The following GLIS3 variants were observed in gnomAD, a reference collection of about 807,000 sequenced individuals.
The protein encoded by GLIS3 is GLIS family zinc finger 3, also known as zinc finger protein GLIS3.
A neutral mutation model predicts 78.6 loss-of-function variants in GLIS3; 53 were observed. That is an observed-to-expected ratio of 0.67 (90% CI 0.54 to 0.85). The LOEUF is 0.85. GLIS3 is among the 40% of genes least tolerant of loss of function. The pLI is 0.00. For synonymous variants in GLIS3, 684 were observed against 509.9 expected (o/e 1.34, Z -4.60); for missense variants, 1,703 against 1,231.1 (o/e 1.38, Z -5.74).
chr9:4,375,611 T>TAAAAGTTAGTAG, the GLIS3 span, among the ~76,000 whole-genome samples: 1 of 152,294 alleles, frequency 6.6e-6, no homozygotes, highest in South Asian at 2.1e-4. Context: ...ATGTAAAAAG[T>TAAAAGTTAGTAG]AACAACTAAG....
At chr9:3,989,033 T>C (rs1394148443) in intron 4 of GLIS3, among the ~76,000 whole-genome samples, 2 of 152,120 alleles carry the variant, frequency 1.3e-5, no homozygotes, top group African/African-American at 2.4e-5. Flanking sequence ...AAATAAAGTA[T>C]ATTATAAAAA....
At chr9:4,474,330 A>G in the GLIS3 span, among the ~76,000 whole-genome samples, 1 of 152,184 alleles carries the variant, frequency 6.6e-6, no homozygotes, top group Admixed American at 6.6e-5. Flanking sequence ...ATATGGTGAA[A>G]CCCCATCTCT....
At chr9:4,166,142 C>A (rs1835874240) in intron 2 of GLIS3, among the ~76,000 whole-genome samples, 1 of 152,218 alleles carries the variant, frequency 6.6e-6, no homozygotes, top group African/African-American at 2.4e-5. Flanking sequence ...AATGGCACAT[C>A]ACATAATTGT....
chr9:4,203,197 A>C (rs893267665), intron 2 of GLIS3, among the ~76,000 whole-genome samples: 1 of 152,218 alleles, frequency 6.6e-6, no homozygotes, highest in African/African-American at 2.4e-5. Flanking sequence ...AAGAAGACAT[A>C]CAAGTGGCCA....
chr9:4,395,960 G>C, the GLIS3 span, among the ~76,000 whole-genome samples: 2 of 151,290 alleles, frequency 1.3e-5, no homozygotes, highest in Non-Finnish European at 2.9e-5. Flanking sequence ...TTTTAGTAGA[G>C]ACAGGGTTTC....
At chr9:4,123,016 T>C (rs910611119) in intron 3 of GLIS3, among the ~76,000 whole-genome samples, 6 of 152,182 alleles carry the variant, frequency 3.9e-5, no homozygotes, top group Non-Finnish European at 8.8e-5. Flanking sequence ...AGGATTCTTA[T>C]TATTGGATTA....
At chr9:4,116,763 C>T (rs912214633) in intron 4 of GLIS3, among the ~76,000 whole-genome samples, 2 of 152,112 alleles carry the variant, frequency 1.3e-5, no homozygotes, top group African/African-American at 2.4e-5. Context: ...ATATTTAGTA[C>T]CAGCACCATA....
chr9:4,191,309 A>G lies in GLIS3; in HGVS notation c.389-65368T>C, dbSNP rs117646313. On this transcript the variant is annotated intron_variant, in intron 2 of 10. Coordinates refer to ENST00000381971, the MANE Select transcript of GLIS3 (RefSeq NM_001042413.2). ...GTTTTCTTCTTTCTTAGTGATACAC[A>G]AAATAACGGTGTATTTTCAACTGAG... 3.4e-3 allele frequency among the ~76,000 whole-genome samples: 515 copies of G among 152,356 alleles called. 10 individuals are homozygous for G. The highest frequency in any genetic ancestry group is 0.031 in the East Asian group (162 of 5,192).
intron 4 of GLIS3, among the ~76,000 whole-genome samples, chr9:4,033,162 A>T (rs887174069): frequency 6.6e-6 from 1 of 152,064 alleles, no homozygotes; most frequent in African/African-American, 2.4e-5. Flanking sequence ...TGGAATTGAG[A>T]ATTCTTGAAC....
At chr9:4,443,275 T>C in the GLIS3 span, among the ~76,000 whole-genome samples, 1 of 152,220 alleles carries the variant, frequency 6.6e-6, no homozygotes, top group Non-Finnish European at 1.5e-5. Context: ...AAATTGTTTG[T>C]TCATTTCTGA....
rs770293029 is a variant in GLIS3, at chr9:4,118,551, G to A, written c.927C>T (p.Ser309=). 10 of 1,614,218 alleles carry A rather than the reference G, an allele frequency of 6.2e-6. 1 individual carries two copies. In the South Asian group the frequency reaches 8.8e-5, roughly 14 times the overall value. The part of the protein sequence containing the change: ...KKRALSLSPL[S]DGIGIDFNTI... ...TATTGAAATCTATCCCGATGCCATC[G>A]GACAGCGGGGACAAGGACAGCGCTC... The change falls in exon 4 of 11, where the codon TCC becomes TCT. Residue 309 remains serine (S), a synonymous_variant. Transcript: ENST00000381971. This position sits in a 1 kb window ranked among gnomAD's most constrained non-coding sequence, Gnocchi z 4.7.
At position 4,330,848 on chromosome 9, in the gene GLIS3, C is replaced by A. The variant is rs147484014; in HGVS notation, n.264+16233G>T. Among the ~76,000 whole-genome samples, 30 of 152,214 alleles carry A rather than the reference C, an allele frequency of 2.0e-4. 1 individual carries two copies. In the East Asian group the frequency reaches 5.4e-3, roughly 27 times the overall value. On this transcript the variant is annotated intron_variant and non_coding_transcript_variant, in intron 2 of 4. Transcript: ENST00000471664. ...AGAATCATCCACCACCAGCACCAGG[C>A]GAGCCAGGAGTGGGTTAAGCTGATT... is the stretch of plus-strand genomic sequence containing the variant.
At chr9:4,233,953 T>C (rs1224287030) in intron 2 of GLIS3, among the ~76,000 whole-genome samples, 1 of 152,228 alleles carries the variant, frequency 6.6e-6, no homozygotes, top group Non-Finnish European at 1.5e-5. Flanking sequence ...TTCCTTAAAC[T>C]TCATAAACCA....
At chr9:4,326,239 G>C (rs557914290) in intron 2 of GLIS3, among the ~76,000 whole-genome samples, 1 of 152,290 alleles carries the variant, frequency 6.6e-6, no homozygotes, top group Admixed American at 6.5e-5. Flanking sequence ...GTCTGTTGAA[G>C]AAAAATATAT....
the GLIS3 span, among the ~76,000 whole-genome samples, chr9:4,362,285 TTTTAA>T: frequency 1.3e-5 from 2 of 152,272 alleles, no homozygotes; most frequent in African/African-American, 4.8e-5. Flanking sequence ...CTTTCCTTTC[TTTTAA>T]AAGAATATTC....
chr9:4,005,682 C>A (rs913480533), intron 4 of GLIS3, among the ~76,000 whole-genome samples: 26 of 152,168 alleles, frequency 1.7e-4, no homozygotes, highest in African/African-American at 6.3e-4. Flanking sequence ...TAGCTGTTGT[C>A]ATGAATATCA....
At chr9:4,034,562 G>A (rs575448457) in intron 4 of GLIS3, 2 of 152,246 alleles carry the variant, frequency 1.3e-5, no homozygotes, top group South Asian at 2.1e-4. Context: ...GGCTGTCCTC[G>A]GGGATTCACA....
At chr9:3,837,299 T>A (rs1398919970) in intron 9 of GLIS3, among the ~76,000 whole-genome samples, 1 of 152,184 alleles carries the variant, frequency 6.6e-6, no homozygotes, top group East Asian at 1.9e-4. Context: ...GGCAAGGATG[T>A]GGAGCAATGG....
chr9:4,343,680 T>C (rs2380951), intron 2 of GLIS3, among the ~76,000 whole-genome samples: 64,311 of 152,136 alleles, frequency 0.42, 14,654 homozygotes, highest in Admixed American at 0.5. Context: ...CCACCAACGG[T>C]GGACCGGATA....
Sources: gnomAD v4.1 joint callset for allele counts (sites outside exome capture counted in the v4.1 genomes callset) on GRCh38, gnomAD v4.1.1 for gene constraint, Gnocchi (gnomAD v3.1) non-coding constraint, MANE v1.5 for transcripts, NCBI Gene and HGNC (gene_info 2026-07-23, HGNC 2026-07-21) for gene names.